The following NRG3 variants were observed in gnomAD, a reference collection of about 807,000 sequenced individuals.
NRG3 encodes pro-neuregulin-3, membrane-bound isoform.
NRG3 carries 31 observed loss-of-function variants against 66.9 expected under a neutral mutation model. That is an observed-to-expected ratio of 0.46 (90% CI 0.35 to 0.63). NRG3 has a LOEUF of 0.63. Ranked by LOEUF, NRG3 falls within the 20% of genes least tolerant of loss-of-function variation. NRG3 has a pLI of 0.00. For synonymous variants in NRG3, 393 were observed against 359.4 expected (o/e 1.09, Z -1.06); for missense variants, 910 against 878.9 (o/e 1.04, Z -0.45).
At chr10:82,801,503 C>T (rs2061037177) in intron 3 of NRG3, among the ~76,000 whole-genome samples, 1 of 152,108 alleles carries the variant, frequency 6.6e-6, no homozygotes, top group Non-Finnish European at 1.5e-5. Flanking sequence ...CAATGAATTA[C>T]AGCCATCAAG....
intron 2 of NRG3, among the ~76,000 whole-genome samples, chr10:82,630,223 AAG>A (rs765795905): frequency 6.6e-6 from 1 of 152,166 alleles, no homozygotes; most frequent in Non-Finnish European, 1.5e-5. Context: ...GGAGGCGCCA[AAG>A]AGTAAAAAGT....
chr10:82,586,416 A>G (rs1470695162), intron 2 of NRG3, among the ~76,000 whole-genome samples: 3 of 152,192 alleles, frequency 2.0e-5, no homozygotes, highest in Middle Eastern at 6.3e-3. Flanking sequence ...TTGACTGTCA[A>G]TGATAACAGC....
At chr10:81,943,302 G>T (rs1848556224) in intron 1 of NRG3, among the ~76,000 whole-genome samples, 1 of 152,210 alleles carries the variant, frequency 6.6e-6, no homozygotes, top group South Asian at 2.1e-4. Flanking sequence ...GACTACTTGT[G>T]CCCAGGACTT....
At chr10:82,088,099 CT>C (rs1388800400) in intron 1 of NRG3, among the ~76,000 whole-genome samples, 2 of 152,132 alleles carry the variant, frequency 1.3e-5, no homozygotes, top group African/African-American at 4.8e-5. Flanking sequence ...GTGCATTCTA[CT>C]TCCCTGTAGG....
At chr10:82,715,225 T>A (rs1178453916) in intron 2 of NRG3, among the ~76,000 whole-genome samples, 1 of 152,112 alleles carries the variant, frequency 6.6e-6, no homozygotes, top group Non-Finnish European at 1.5e-5. Context: ...CAAAACCCCA[T>A]CGCTACCAAA....
chr10:82,431,007 CCCAGGAATATGTTAGA>C (rs1439169182), intron 2 of NRG3, among the ~76,000 whole-genome samples: 1 of 152,046 alleles, frequency 6.6e-6, no homozygotes, highest in Non-Finnish European at 1.5e-5. Context: ...TTTCTAGATC[CCCAGGAATATGTTAGA>C]CCTTTTCAAA....
At chr10:82,349,928 C>T (rs1029753120) in intron 1 of NRG3, among the ~76,000 whole-genome samples, 6 of 152,152 alleles carry the variant, frequency 3.9e-5, no homozygotes, top group African/African-American at 1.4e-4. Context: ...TCGGCTCGCG[C>T]ACGGTGCGCG....
At chr10:82,508,324 A>G (rs1163665191) in intron 2 of NRG3, among the ~76,000 whole-genome samples, 2 of 152,172 alleles carry the variant, frequency 1.3e-5, no homozygotes, top group Non-Finnish European at 2.9e-5. Context: ...TCCCCAGATA[A>G]ATGTATTTTA....
At chr10:82,375,397 C>T (rs1417798613) in intron 2 of NRG3, among the ~76,000 whole-genome samples, 5 of 152,064 alleles carry the variant, frequency 3.3e-5, no homozygotes, top group Admixed American at 2.6e-4. Context: ...ATTAACCGGG[C>T]GTGGTGGCAG....
chr10:82,809,322 A>G (rs2061406025), intron 3 of NRG3, among the ~76,000 whole-genome samples: 1 of 152,142 alleles, frequency 6.6e-6, no homozygotes, highest in Non-Finnish European at 1.5e-5. Context: ...ACTGTTTTCA[A>G]CACTCATTCT....
intron 2 of NRG3, among the ~76,000 whole-genome samples, chr10:82,503,561 CT>C (rs1261148853): frequency 6.6e-6 from 1 of 152,124 alleles, no homozygotes; most frequent in Admixed American, 6.5e-5. Context: ...ATTGTGGGCA[CT>C]GTGGTGAAGA....
At chr10:82,882,743 C>A (rs1279696991) in intron 4 of NRG3, among the ~76,000 whole-genome samples, 1 of 152,132 alleles carries the variant, frequency 6.6e-6, no homozygotes, top group Non-Finnish European at 1.5e-5. Flanking sequence ...TTCCCAGAGC[C>A]TTTGGCTAGT....
chr10:82,275,279 T>C (rs1177509427), intron 1 of NRG3, among the ~76,000 whole-genome samples: 4 of 151,992 alleles, frequency 2.6e-5, no homozygotes, highest in Non-Finnish European at 5.9e-5. Flanking sequence ...CCAGAATCTT[T>C]CCTGAGTTGC....
At chr10:82,781,215 A>T (rs1000716034) in intron 3 of NRG3, among the ~76,000 whole-genome samples, 1 of 152,144 alleles carries the variant, frequency 6.6e-6, no homozygotes, top group Non-Finnish European at 1.5e-5. Context: ...TTTAAGGTTT[A>T]TAATTGTACG....
chr10:82,475,486 C>T (rs1203152653), intron 2 of NRG3, among the ~76,000 whole-genome samples: 1 of 151,958 alleles, frequency 6.6e-6, no homozygotes, highest in Non-Finnish European at 1.5e-5. Flanking sequence ...AAGAAAAGCC[C>T]AGGAACAGAT....
intron 1 of NRG3, among the ~76,000 whole-genome samples, chr10:82,193,690 C>T (rs371526509): frequency 1.1e-4 from 16 of 152,008 alleles, no homozygotes; most frequent in African/African-American, 3.1e-4. Context: ...AATGAAATTC[C>T]GAATGGTGCT....
intron 2 of NRG3, among the ~76,000 whole-genome samples, chr10:82,647,860 T>C (rs1377361184): frequency 1.3e-5 from 2 of 150,260 alleles, no homozygotes; most frequent in African/African-American, 2.5e-5. Context: ...TGTTTGTTTT[T>C]TTCTTGTAAA....
At chr10:82,733,331 TATA>T (rs2134675444) in intron 2 of NRG3, among the ~76,000 whole-genome samples, 1 of 152,364 alleles carries the variant, frequency 6.6e-6, no homozygotes, top group Non-Finnish European at 1.5e-5. Context: ...TGCAATTGTA[TATA>T]ATATCAGCTA....
At chr10:82,918,635 T>A (rs78049444) in intron 4 of NRG3, among the ~76,000 whole-genome samples, 129 of 152,260 alleles carry the variant, frequency 8.5e-4, no homozygotes, top group African/African-American at 3.0e-3. Context: ...TAGAGAGGGT[T>A]CAGCTAACCG....
Sources: allele counts gnomAD v4.1 joint callset (sites outside exome capture counted in the v4.1 genomes callset), GRCh38; gene constraint gnomAD v4.1.1; transcripts MANE v1.5; gene names NCBI Gene and HGNC (gene_info 2026-07-23, HGNC 2026-07-21).